KATNAL1: variants seen among roughly 807,000 people sequenced by gnomAD.
KATNAL1 encodes katanin p60 ATPase-containing subunit A-like 1.
KATNAL1 carries 32 observed loss-of-function variants against 55.2 expected under a neutral mutation model. The observed-to-expected ratio is 0.58, with a 90% CI of 0.44 to 0.78. The LOEUF is 0.78. Ranked by LOEUF, KATNAL1 falls within the 30% of genes least tolerant of loss-of-function variation. The pLI, the probability that KATNAL1 is intolerant of heterozygous loss-of-function variation, is 0.00. For missense variants in KATNAL1, 466 were observed against 600.9 expected (o/e 0.78, Z 2.35); for synonymous variants, 193 against 193.6 (o/e 1.00, Z 0.02).
intron 3 of KATNAL1, among the ~76,000 whole-genome samples, chr13:30,261,243 G>A (rs1031995566): frequency 6.6e-5 from 10 of 151,914 alleles, no homozygotes; most frequent in Admixed American, 2.6e-4. Context: ...AGGAACAACC[G>A]ATACCAGCCG....
intron 1 of KATNAL1, among the ~76,000 whole-genome samples, chr13:30,293,980 A>C (rs994563590): frequency 1.3e-5 from 2 of 152,218 alleles, no homozygotes; most frequent in African/African-American, 4.8e-5. Flanking sequence ...GGGGCACCAC[A>C]AACCATGCCC....
At chr13:30,222,356 G>C (rs138141004) in intron 9 of KATNAL1, among the ~76,000 whole-genome samples, 2,113 of 152,192 alleles carry the variant, frequency 0.014, 34 homozygotes, top group Non-Finnish European at 0.02. Context: ...AGCTCTTCCT[G>C]GGCCTCTAAC....
rs1214036726 is a variant in KATNAL1 at position 30,280,170 on chromosome 13, A to G, written c.216T>C (p.Thr72=). The change falls in exon 3 of 11, where the codon ACT becomes ACC. Residue 72 remains threonine (T), a synonymous_variant. Transcript: ENST00000380615. ...GCTTGTCAATTTTAAAACTTTCTAA[A>G]GTGCTGACAATACTTTTAACTTGTT... is the stretch of plus-strand genomic sequence containing the variant. ...EYEQVKSIVS[T]LESFKIDKPP... is the part of the protein sequence containing the mutation. 1 of 1,613,154 alleles carries G rather than the reference A, an allele frequency of 6.2e-7. No individual in the cohort carries two copies. Among genetic ancestry groups the G allele is most frequent in the East Asian group, 2.2e-5 (1 of 44,834 alleles).
intron 1 of KATNAL1, among the ~76,000 whole-genome samples, chr13:30,296,935 C>T (rs1388107901): frequency 6.6e-6 from 1 of 151,930 alleles, no homozygotes; most frequent in Non-Finnish European, 1.5e-5. Context: ...CGCCCACTCC[C>T]GAGCCCGCCC....
chr13:30,255,492 A>G lies in KATNAL1; in HGVS notation c.447T>C (p.Ser149=). The G allele has an allele frequency of 6.3e-7, 1 of 1,596,262 alleles. No homozygotes were observed. Among genetic ancestry groups the G allele is most frequent in the Non-Finnish European group, 8.5e-7 (1 of 1,171,130 alleles). ...AHPISKSEKP[S]TSRDKDYRAR... is the part of the protein sequence containing the mutation. Reference sequence around the variant, plus strand: ...CTCTATAGTCCTTGTCCCTACTTGTAGAAGGCTTTTCACTCTTTGATATAG... The same window carrying G: ...CTCTATAGTCCTTGTCCCTACTTGTGGAAGGCTTTTCACTCTTTGATATAG... The change falls in exon 4 of 11, where the codon TCT becomes TCC. Residue 149 remains serine, a synonymous_variant. Coordinates refer to ENST00000380615, the MANE Select transcript of KATNAL1 (RefSeq NM_032116.5).
At chr13:30,245,753 C>T (rs1227440942) in intron 4 of KATNAL1, among the ~76,000 whole-genome samples, 2 of 151,750 alleles carry the variant, frequency 1.3e-5, no homozygotes, top group Non-Finnish European at 2.9e-5. Flanking sequence ...CATTCCTATA[C>T]AACAATAATA....
At chr13:30,279,843 A>G (rs769887268) in intron 3 of KATNAL1, among the ~76,000 whole-genome samples, 3 of 152,236 alleles carry the variant, frequency 2.0e-5, no homozygotes, top group Non-Finnish European at 4.4e-5. Context: ...ATCTATTGTT[A>G]TTAGCGTAAT....
intron 1 of KATNAL1, among the ~76,000 whole-genome samples, chr13:30,301,564 G>A (rs1051963787): frequency 3.9e-5 from 6 of 152,144 alleles, no homozygotes; most frequent in African/African-American, 9.7e-5. Context: ...CCATTTAGCA[G>A]AGGAGGTGAC....
intron 3 of KATNAL1, among the ~76,000 whole-genome samples, chr13:30,262,104 G>A (rs1879343496): frequency 1.3e-5 from 2 of 151,832 alleles, no homozygotes; most frequent in Non-Finnish European, 2.9e-5. Context: ...TGAACAACCT[G>A]CTCCTGAATG....
At chr13:30,256,709 GA>G (rs577489993) in intron 3 of KATNAL1, among the ~76,000 whole-genome samples, 38 of 150,544 alleles carry the variant, frequency 2.5e-4, no homozygotes, top group African/African-American at 8.0e-4. Context: ...GAAAAAAAAA[GA>G]AAAAAAAATG....
intron 9 of KATNAL1, among the ~76,000 whole-genome samples, chr13:30,223,205 C>T (rs1308507511): frequency 1.3e-5 from 2 of 151,340 alleles, no homozygotes; most frequent in Non-Finnish European, 1.5e-5. Flanking sequence ...TTCGGGAGGC[C>T]AAGGCGGGCG....
At chr13:30,214,228 C>T (rs1233248289) in intron 9 of KATNAL1, among the ~76,000 whole-genome samples, 1 of 152,114 alleles carries the variant, frequency 6.6e-6, no homozygotes, top group African/African-American at 2.4e-5. Context: ...ACATGAAGGA[C>T]CTCTTCAAGA....
chr13:30,270,994 C>T (rs846491), intron 3 of KATNAL1, among the ~76,000 whole-genome samples: 132,691 of 151,974 alleles, frequency 0.87, 57,999 homozygotes, highest in East Asian at 0.96. Flanking sequence ...GGGGTAAATA[C>T]TTTAAATAAG....
intron 5 of KATNAL1, 126 bp downstream of exon 5, chr13:30,240,833 T>C (rs1455335413): frequency 5.5e-6 from 5 of 910,528 alleles, no homozygotes; most frequent in African/African-American, 1.7e-5. Flanking sequence ...TCGTCAATTC[T>C]ATACTTTCAT....
chr13:30,259,444 A>T, intron 3 of KATNAL1, among the ~76,000 whole-genome samples: 1 of 152,098 alleles, frequency 6.6e-6, no homozygotes, highest in East Asian at 1.9e-4. Context: ...TGATTTCTGC[A>T]TTTCCATCTG....
At chr13:30,239,540 C>T (rs1877038719) in intron 6 of KATNAL1, among the ~76,000 whole-genome samples, 1 of 151,890 alleles carries the variant, frequency 6.6e-6, no homozygotes, top group South Asian at 2.1e-4. Context: ...TCTACTGTTG[C>T]AGAAAAAAAT....
rs535128267 is a variant in KATNAL1 at position 30,285,247 on chromosome 13, C to T, written c.-14-1456G>A. The stretch of plus-strand genomic sequence containing the variant: ...GCAGAGTTGTATTACTTGAGAATCA[C>T]ACTGCAACAAATAGTACACTACTAA... On this transcript the variant is annotated intron_variant, in intron 1 of 10. Coordinates refer to ENST00000380615, the MANE Select transcript of KATNAL1 (RefSeq NM_032116.5). Among the ~76,000 whole-genome samples, 13 of 152,302 alleles carry T rather than the reference C, an allele frequency of 8.5e-5. No homozygotes were observed. In the East Asian group the frequency reaches 2.3e-3, roughly 27 times the overall value.
At chr13:30,305,668 C>A (rs1199809914) in intron 1 of KATNAL1, among the ~76,000 whole-genome samples, 1 of 152,238 alleles carries the variant, frequency 6.6e-6, no homozygotes, top group Non-Finnish European at 1.5e-5. Context: ...CAAAATACTC[C>A]TCACAGCACC....
rs150134887 is a variant in KATNAL1 at position 30,260,745 on chromosome 13, T to G, written c.324-5130A>C. The stretch of plus-strand genomic sequence containing the variant: ...TGAAAAGACCAAATCTACATCTGAT[T>G]TGTGTACCTGAAAGTGACGGGAGAA... On this transcript the variant is annotated intron_variant, in intron 3 of 10. Coordinates refer to ENST00000380615, the MANE Select transcript of KATNAL1 (RefSeq NM_032116.5). Among the ~76,000 whole-genome samples the G allele has an allele frequency of 1.0e-4, 15 of 148,840 alleles. No individual in the cohort carries two copies. In the East Asian group the frequency reaches 2.9e-3, roughly 29 times the overall value.
Sources: allele counts gnomAD v4.1 joint callset (sites outside exome capture counted in the v4.1 genomes callset), GRCh38; gene constraint gnomAD v4.1.1; transcripts MANE v1.5; gene names NCBI Gene and HGNC (gene_info 2026-07-23, HGNC 2026-07-21).